The following ZBED6 variants were observed in gnomAD, a reference collection of about 807,000 sequenced individuals.
ZBED6 encodes the protein zinc finger BED domain-containing protein 6.
ZBED6 carries 40 observed loss-of-function variants against 58.4 expected under a neutral mutation model. That is an observed-to-expected ratio of 0.68 (90% CI 0.53 to 0.89). ZBED6 has a LOEUF of 0.89. ZBED6 is among the 40% of genes least tolerant of loss of function. The pLI is 0.00. For missense variants in ZBED6, 1,057 were observed against 1,003.9 expected, an observed-to-expected ratio of 1.05 and a Z score of -0.71; for synonymous variants, 439 against 350.6, an observed-to-expected ratio of 1.25 and a Z score of -2.82.
chr1:203,797,971 T>C, exon 1 of ZBED6: 1 of 1,535,662 alleles, frequency 6.5e-7, no homozygotes, highest in Non-Finnish European at 8.7e-7. Context: ...TGGCGGGCCA[T>C]TTGTAACCTC....
chr1:203,824,573 A>T (rs1449947441), intron 3 of ZBED6, among the ~76,000 whole-genome samples: 5 of 152,200 alleles, frequency 3.3e-5, no homozygotes, highest in African/African-American at 9.7e-5. Context: ...GACATGTGTC[A>T]CATTGGTTCA....
At chr1:203,822,446 A>G (rs570726295) in intron 3 of ZBED6, among the ~76,000 whole-genome samples, 49 of 152,088 alleles carry the variant, frequency 3.2e-4, no homozygotes, top group Non-Finnish European at 6.5e-4. Context: ...CACGATCCCT[A>G]TAATGGATAC....
chr1:203,848,305 T>A, intron 12 of ZBED6, 26 bp from the exon 13 acceptor site: 1 of 1,577,148 alleles, frequency 6.3e-7, no homozygotes, highest in Non-Finnish European at 8.6e-7. Flanking sequence ...ATAAAATAAC[T>A]AATGATGTCT....
intron 3 of ZBED6, among the ~76,000 whole-genome samples, chr1:203,825,459 G>A (rs1680216049): frequency 7.3e-6 from 1 of 136,264 alleles, no homozygotes; most frequent in Non-Finnish European, 1.5e-5. Context: ...TTTTGAGGTG[G>A]AGTCTCACTC....
chr1:203,845,247 A>C lies in ZBED6; in HGVS notation c.*3742-1937A>C, dbSNP rs12037548. 1.4e-4 allele frequency among the ~76,000 whole-genome samples: 21 copies of C among 152,064 alleles called. No individual in the cohort carries two copies. The East Asian group carries it at 3.5e-3, about 25-fold the overall frequency. ...GCTGGTGTGGATTTATTTTATTTTT[A>C]ATGTTTTATCATTTCAATGAAATTT... is the stretch of plus-strand genomic sequence containing the variant. On this transcript the variant is annotated intron_variant, in intron 11 of 16. Transcript: ENST00000550078.
At chr1:203,820,237 G>GAA (rs542435423) in intron 3 of ZBED6, among the ~76,000 whole-genome samples, 11 of 102,950 alleles carry the variant, frequency 1.1e-4, no homozygotes, top group Non-Finnish European at 1.5e-4. Flanking sequence ...TCCATCTCAA[G>GAA]AAAAAAAAAA....
At chr1:203,819,791 C>T (rs1312434527) in intron 3 of ZBED6, among the ~76,000 whole-genome samples, 1 of 150,942 alleles carries the variant, frequency 6.6e-6, no homozygotes, top group African/African-American at 2.4e-5. Flanking sequence ...GCCTCGGCCT[C>T]CCAAAGTGCT....
chr1:203,820,641 C>CT (rs1678303220), intron 3 of ZBED6, among the ~76,000 whole-genome samples: 1 of 151,908 alleles, frequency 6.6e-6, no homozygotes, highest in African/African-American at 2.4e-5. Flanking sequence ...CCACACCCGT[C>CT]TAATTTTTTG....
chr1:203,826,156 AC>A (rs1680444169), intron 3 of ZBED6, among the ~76,000 whole-genome samples: 1 of 152,200 alleles, frequency 6.6e-6, no homozygotes, highest in Admixed American at 6.5e-5. Context: ...GGTAGCTATT[AC>A]ATCTACCTTT....
intron 3 of ZBED6, among the ~76,000 whole-genome samples, chr1:203,825,115 G>A (rs1243801562): frequency 6.7e-6 from 1 of 148,512 alleles, no homozygotes; most frequent in Non-Finnish European, 1.5e-5. Context: ...TGTTAGATAA[G>A]CTTTGTTCAA....
intron 11 of ZBED6, among the ~76,000 whole-genome samples, chr1:203,844,730 T>G (rs1687408016): frequency 6.6e-6 from 1 of 152,142 alleles, no homozygotes; most frequent in African/African-American, 2.4e-5. Flanking sequence ...GGACTGAAGA[T>G]GGGAGGTCTG....
At chr1:203,824,984 G>A (rs11240570) in intron 3 of ZBED6, among the ~76,000 whole-genome samples, 27,115 of 151,166 alleles carry the variant, frequency 0.18, 2,551 homozygotes, top group Middle Eastern at 0.26. Flanking sequence ...GGCTGAGGCA[G>A]GAGAATTGCT....
intron 1 of ZBED6, 63 bp downstream of exon 1, chr1:203,803,079 A>G (rs915051575): frequency 1.3e-5 from 2 of 152,496 alleles, no homozygotes; most frequent in Admixed American, 6.5e-5. Flanking sequence ...TTTAAGGCAT[A>G]ATTTTCATGG....
At chr1:203,799,704 G>C (rs1669926930) in exon 1 of ZBED6, 1 of 719,700 alleles carries the variant, frequency 1.4e-6, no homozygotes, top group East Asian at 2.7e-5. Flanking sequence ...GAAACTCAGA[G>C]AAGATTTTCA....
chr1:203,847,421 A>C (rs548302202), exon 12 of ZBED6: 1 of 1,613,892 alleles, frequency 6.2e-7, no homozygotes, highest in East Asian at 2.2e-5. Context: ...AAAAGCAAAA[A>C]GGATACAACT....
intron 3 of ZBED6, among the ~76,000 whole-genome samples, chr1:203,819,529 A>T (rs200526240): frequency 4.1e-4 from 30 of 72,876 alleles, no homozygotes; most frequent in South Asian, 1.4e-3. Flanking sequence ...GCTGACTCCA[A>T]TTTTTTTTTT....
chr1:203,819,994 T>C (rs1677963028), intron 3 of ZBED6, among the ~76,000 whole-genome samples: 1 of 151,492 alleles, frequency 6.6e-6, no homozygotes, highest in African/African-American at 2.4e-5. Flanking sequence ...CCCAGCACTT[T>C]ACTAGGCTGA....
chr1:203,820,199 C>T (rs1304854977), intron 3 of ZBED6, among the ~76,000 whole-genome samples: 5 of 150,700 alleles, frequency 3.3e-5, no homozygotes, highest in African/African-American at 9.8e-5. Flanking sequence ...TGCGCCACTC[C>T]ATTCTGGCCT....
rs1165503620 is a variant in ZBED6, at chr1:203,798,695, G to A, written c.1173G>A (p.Leu391=). ...TTCCCGTTGCAGAGCAAGGCACTCTGATGCGTGCGCAGGAGAGAGAAACAA... is the reference window on the plus strand; with the variant it reads ...TTCCCGTTGCAGAGCAAGGCACTCTAATGCGTGCGCAGGAGAGAGAAACAA... Residue 391 remains leucine, a synonymous_variant, in exon 1 of 17, where the codon CTG becomes CTA. Transcript: ENST00000550078. 5 of 1,536,114 alleles carry A rather than the reference G, an allele frequency of 3.3e-6. No individual in the cohort carries two copies. The South Asian group carries it at 4.8e-5, about 15-fold the overall frequency.
Sources: allele counts gnomAD v4.1 joint callset (sites outside exome capture counted in the v4.1 genomes callset), GRCh38; gene constraint gnomAD v4.1.1; transcripts MANE v1.5; gene names NCBI Gene and HGNC (gene_info 2026-07-23, HGNC 2026-07-21).